Variants in TLL1 observed in about 807,000 individuals in gnomAD.
TLL1 encodes the protein tolloid-like protein 1.
Under a neutral mutation model 128.2 loss-of-function variants are expected in TLL1, and 49 were observed. The ratio of observed to expected loss-of-function variants is 0.38; its 90% CI spans 0.30 to 0.48. The LOEUF is 0.48. TLL1 is among the 20% of genes least tolerant of loss of function. The pLI is 0.96. For synonymous variants in TLL1, 454 were observed against 418.8 expected, an observed-to-expected ratio of 1.08 and a Z score of -1.03; for missense variants, 1,123 against 1,242.0, an observed-to-expected ratio of 0.90 and a Z score of 1.44.
At chr4:166,026,782 T>C (rs1738517562) in intron 9 of TLL1, among the ~76,000 whole-genome samples, 1 of 152,146 alleles carries the variant, frequency 6.6e-6, no homozygotes, top group Non-Finnish European at 1.5e-5. Context: ...CACAATTATC[T>C]AACATTTGGG....
intron 1 of TLL1, among the ~76,000 whole-genome samples, chr4:165,988,064 C>T (rs950503202): frequency 4.6e-5 from 7 of 152,018 alleles, no homozygotes; most frequent in African/African-American, 1.7e-4. Flanking sequence ...TCTACTGTCT[C>T]ATGATTAATT....
chr4:166,060,271 T>A, intron 15 of TLL1, 83 bp downstream of exon 15: 1 of 1,293,928 alleles, frequency 7.7e-7, no homozygotes, highest in Non-Finnish European at 1.1e-6. Context: ...AAAAAAAAGA[T>A]GTAGTAAAAT....
intron 15 of TLL1, among the ~76,000 whole-genome samples, chr4:166,064,708 T>C (rs1252996416): frequency 6.6e-6 from 1 of 152,118 alleles, no homozygotes; most frequent in Non-Finnish European, 1.5e-5. Flanking sequence ...ACAACATCTT[T>C]AGCCTCGGAA....
rs777086531 is a variant in TLL1 at position 165,873,927 on chromosome 4, C to T, written c.23C>T (p.Pro8Leu). ...AGGATGGGGTTGGGAACGCTTTCCC[C>T]GAGGATGCTCGTGTGGCTGGTGGCC... MGLGTLS[P>L]RMLVWLVASG... Residue 8 changes from proline to leucine, a missense_variant, in exon 1 of 21, where the codon CCG becomes CTG. Pro to Leu is a moderately conservative substitution (Grantham distance 98). Around this residue, in one of 3 missense-constraint regions of TLL1, gnomAD observed 480 missense variants for 542.4 expected, o/e 0.89. Coordinates refer to ENST00000061240, the MANE Select transcript of TLL1 (RefSeq NM_012464.5). 4.3e-6 allele frequency: 7 copies of T among 1,613,914 alleles called. No homozygotes were observed. Among genetic ancestry groups the T allele is most frequent in the South Asian group, 3.3e-5 (3 of 91,086 alleles).
chr4:166,020,903 A>G (rs1579633616), intron 8 of TLL1, among the ~76,000 whole-genome samples: 1 of 152,324 alleles, frequency 6.6e-6, no homozygotes, highest in East Asian at 1.9e-4. Flanking sequence ...CATATGTACA[A>G]CCTATGTTCC....
intron 16 of TLL1, among the ~76,000 whole-genome samples, chr4:166,068,889 A>G (rs989202932): frequency 4.0e-5 from 6 of 151,836 alleles, no homozygotes; most frequent in Admixed American, 3.9e-4. Context: ...TAGGCATGAA[A>G]CAGTGCATGC....
At chr4:166,062,932 C>T (rs1467174752) in intron 15 of TLL1, among the ~76,000 whole-genome samples, 1 of 152,104 alleles carries the variant, frequency 6.6e-6, no homozygotes, top group African/African-American at 2.4e-5. Context: ...GCATGAAGGG[C>T]TGTTGCATTT....
intron 3 of TLL1, among the ~76,000 whole-genome samples, chr4:165,993,858 C>T (rs73863520): frequency 0.011 from 1,650 of 152,094 alleles, 22 homozygotes; most frequent in African/African-American, 0.036. Context: ...GCTTGTTGTA[C>T]GGGAGGCTGA....
intron 1 of TLL1, among the ~76,000 whole-genome samples, chr4:165,978,598 G>GAT (rs1442393774): frequency 1.3e-5 from 2 of 152,066 alleles, no homozygotes; most frequent in African/African-American, 4.8e-5. Context: ...TTTCAATGAG[G>GAT]ATATATATAT....
chr4:165,884,168 A>G (rs1731079499), intron 1 of TLL1, among the ~76,000 whole-genome samples: 2 of 152,224 alleles, frequency 1.3e-5, no homozygotes, highest in African/African-American at 2.4e-5. Flanking sequence ...CTCACCTAGT[A>G]TAGTCTTCAC....
intron 1 of TLL1, among the ~76,000 whole-genome samples, chr4:165,928,329 G>A (rs1733362504): frequency 6.6e-6 from 1 of 152,146 alleles, no homozygotes; most frequent in South Asian, 2.1e-4. Context: ...CGGCAGGCAT[G>A]TAAACAGAAA....
chr4:165,910,762 G>T (rs1732493297), intron 1 of TLL1, among the ~76,000 whole-genome samples: 1 of 152,162 alleles, frequency 6.6e-6, no homozygotes, highest in Admixed American at 6.6e-5. Context: ...ACTTGAATTA[G>T]TTAATGTTGT....
At chr4:166,050,492 A>AT (rs968661271) in intron 12 of TLL1, among the ~76,000 whole-genome samples, 27 of 152,040 alleles carry the variant, frequency 1.8e-4, no homozygotes, top group Admixed American at 7.2e-4. Context: ...TGGTAATTCT[A>AT]TTTTTTATTT....
intron 18 of TLL1, among the ~76,000 whole-genome samples, chr4:166,081,712 A>G (rs1033558860): frequency 2.0e-5 from 3 of 152,022 alleles, no homozygotes; most frequent in East Asian, 1.9e-4. Flanking sequence ...TGTGATTTCC[A>G]TACATTGATG....
chr4:166,045,829 TCTC>T (rs1336724779), intron 12 of TLL1, among the ~76,000 whole-genome samples: 1 of 152,132 alleles, frequency 6.6e-6, no homozygotes, highest in Admixed American at 6.6e-5. Flanking sequence ...TTGCTTTTAC[TCTC>T]CTATTACTTT....
intron 1 of TLL1, among the ~76,000 whole-genome samples, chr4:165,914,312 C>T (rs1297451380): frequency 1.3e-5 from 2 of 152,082 alleles, no homozygotes; most frequent in African/African-American, 2.4e-5. Context: ...TGAACTTACT[C>T]ATGCTATTTT....
intron 1 of TLL1, among the ~76,000 whole-genome samples, chr4:165,938,354 C>G (rs1270511977): frequency 6.6e-6 from 1 of 152,064 alleles, no homozygotes; most frequent in African/African-American, 2.4e-5. Flanking sequence ...TCTGCAGTTT[C>G]TCAAACAGGT....
chr4:165,899,925 G>C (rs958524837), intron 1 of TLL1, among the ~76,000 whole-genome samples: 3 of 152,070 alleles, frequency 2.0e-5, no homozygotes, highest in Non-Finnish European at 4.4e-5. Flanking sequence ...TATATATTTA[G>C]GATAGTTAGC....
At chr4:166,061,910 G>T (rs55639375) in intron 15 of TLL1, among the ~76,000 whole-genome samples, 2 of 151,960 alleles carry the variant, frequency 1.3e-5, no homozygotes, top group African/African-American at 4.8e-5. Context: ...TGTAAGGAAA[G>T]GACCCAGTTT....
Sources: gnomAD v4.1 joint callset for allele counts (sites outside exome capture counted in the v4.1 genomes callset) on GRCh38, gnomAD v4.1.1 for gene constraint, gnomAD v4.1.1 regional missense constraint, MANE v1.5 for transcripts, NCBI Gene and HGNC (gene_info 2026-07-23, HGNC 2026-07-21) for gene names.